The following ZFYVE27 variants were observed in gnomAD, a reference collection of about 807,000 sequenced individuals.
ZFYVE27 encodes protrudin.
A neutral mutation model predicts 52.8 loss-of-function variants in ZFYVE27; 36 were observed. That is an observed-to-expected ratio of 0.68 (90% confidence interval 0.52 to 0.90). The LOEUF (loss-of-function observed/expected upper bound fraction) is 0.90, where lower values mean the gene tolerates loss of function less well. ZFYVE27 is among the 40% of genes least tolerant of loss of function. ZFYVE27 has a pLI of 0.00. For missense variants in ZFYVE27, 450 were observed against 527.2 expected (o/e 0.85, Z 1.43); for synonymous variants, 223 against 215.6 (o/e 1.03, Z -0.30).
chr10:97,740,162 TG>T (rs989507880), intron 2 of ZFYVE27, among the ~76,000 whole-genome samples: 5 of 152,146 alleles, frequency 3.3e-5, no homozygotes, highest in African/African-American at 1.2e-4. Flanking sequence ...GCAGGGTGAG[TG>T]GAGTTACGTT....
At position 97,740,655 on chromosome 10, in the gene ZFYVE27, G is replaced by A. The variant is rs146302778; in HGVS notation, c.197+1981G>A. On this transcript the variant is annotated intron_variant, in intron 2 of 12. Coordinates refer to ENST00000684270, the MANE Select transcript of ZFYVE27 (RefSeq NM_001385875.1). ...GATTGGTTAAAGCAGGATGCAGGAG[G>A]AGCATTGGACTTAAAAGCCCCCAGG... 5.6e-4 allele frequency among the ~76,000 whole-genome samples: 85 copies of A among 152,346 alleles called. No individual in the cohort carries two copies. The East Asian group carries it at 7.9e-3, about 14-fold the overall frequency.
chr10:97,747,924 G>A (rs1192076457), intron 4 of ZFYVE27, among the ~76,000 whole-genome samples: 1 of 152,172 alleles, frequency 6.6e-6, no homozygotes, highest in African/African-American at 2.4e-5. Flanking sequence ...GACAGCTGCT[G>A]TGTACCCGTG....
rs201233270 is a variant in ZFYVE27, at chr10:97,759,331, G to A, written c.*31G>A. The A allele has an allele frequency of 4.3e-5, 70 of 1,613,304 alleles. No individual in the cohort carries two copies. Among genetic ancestry groups the A allele is most frequent in the South Asian group, 2.3e-4 (21 of 91,060 alleles). Reference sequence around the variant, plus strand: ...GAGGCCAGGGTCCAACCAGGCACCCGTCCTTGGGACCAGCAGTAGACCCCC... The same window carrying A: ...GAGGCCAGGGTCCAACCAGGCACCCATCCTTGGGACCAGCAGTAGACCCCC... On this transcript the variant is annotated 3_prime_UTR_variant, in exon 13 of 13. Transcript: ENST00000684270.
intron 2 of ZFYVE27, among the ~76,000 whole-genome samples, chr10:97,740,556 C>T (rs930933342): frequency 6.6e-6 from 1 of 152,154 alleles, no homozygotes; most frequent in South Asian, 2.1e-4. Flanking sequence ...TCTACTAGTC[C>T]GTAGTGCGTC....
At chr10:97,741,903 G>A (rs997412482) in intron 2 of ZFYVE27, among the ~76,000 whole-genome samples, 1 of 152,066 alleles carries the variant, frequency 6.6e-6, no homozygotes, top group Non-Finnish European at 1.5e-5. Flanking sequence ...GGCCAGGGTG[G>A]GCAGATCACC....
At chr10:97,745,721 G>A (rs2045121108) in intron 4 of ZFYVE27, among the ~76,000 whole-genome samples, 1 of 152,206 alleles carries the variant, frequency 6.6e-6, no homozygotes, top group South Asian at 2.1e-4. Context: ...GTAGATATTA[G>A]TTATCATCAC....
chr10:97,744,993 C>T (rs1393662429), intron 4 of ZFYVE27, 78 bp downstream of exon 4: 22 of 1,487,248 alleles, frequency 1.5e-5, no homozygotes, highest in Middle Eastern at 2.2e-4. Context: ...TTTGTGTGCT[C>T]GACATCATAT....
At chr10:97,738,798 G>T in intron 2 of ZFYVE27, 124 bp downstream of exon 2, 1 of 1,148,830 alleles carries the variant, frequency 8.7e-7, no homozygotes, top group East Asian at 2.4e-5. Context: ...GAGCAGTTCT[G>T]GGAGGTCTGT....
chr10:97,759,554 T>C lies in ZFYVE27; in HGVS notation c.*254T>C. On this transcript the variant is annotated 3_prime_UTR_variant, in exon 13 of 13. Coordinates refer to ENST00000684270, the MANE Select transcript of ZFYVE27 (RefSeq NM_001385875.1). ...GGAGGGCCTGGCATGTTTGTCCTGC[T>C]CTGCCTGGGACTGAGCGAGTGGACT... 1.7e-6 allele frequency: 1 copy of C among 572,658 alleles called. No homozygotes were observed. Among genetic ancestry groups the C allele is most frequent in the Non-Finnish European group, 3.2e-6 (1 of 314,308 alleles). The allele number at this position is 572,658 out of a possible 1,614,324, so 35.5% of individuals were successfully genotyped here.
At chr10:97,755,211 C>G (rs571513265) in intron 10 of ZFYVE27, among the ~76,000 whole-genome samples, 1 of 152,256 alleles carries the variant, frequency 6.6e-6, no homozygotes, top group Non-Finnish European at 1.5e-5. Context: ...GCTACTTTCC[C>G]TTTTCTGAGA....
intron 4 of ZFYVE27, among the ~76,000 whole-genome samples, chr10:97,746,267 T>C (rs1480221342): frequency 6.6e-6 from 1 of 152,102 alleles, no homozygotes; most frequent in Non-Finnish European, 1.5e-5. Flanking sequence ...CAGGCTGGTC[T>C]CGAACTTCAG....
chr10:97,759,156 T>C, intron 12 of ZFYVE27, 80 bp from the exon 13 acceptor site: 2 of 1,514,590 alleles, frequency 1.3e-6, no homozygotes, highest in East Asian at 2.3e-5. Flanking sequence ...GTGGGGCATT[T>C]GGGAGGGTGC....
intron 4 of ZFYVE27, among the ~76,000 whole-genome samples, chr10:97,745,142 C>T (rs912404574): frequency 3.4e-5 from 5 of 145,642 alleles, no homozygotes; most frequent in Admixed American, 1.3e-4. Context: ...ATGAGAATCT[C>T]GATCTAGCTG....
chr10:97,737,684 C>T (rs1191269527), intron 1 of ZFYVE27, among the ~76,000 whole-genome samples: 1 of 152,206 alleles, frequency 6.6e-6, no homozygotes, highest in African/African-American at 2.4e-5. Flanking sequence ...CGCCGAGGTT[C>T]CGCCCCCTCG....
At chr10:97,756,718 C>G (rs1288503720) in intron 10 of ZFYVE27, among the ~76,000 whole-genome samples, 2 of 152,218 alleles carry the variant, frequency 1.3e-5, no homozygotes, top group Admixed American at 1.3e-4. Flanking sequence ...ATTGAGCATT[C>G]TACCCTTCGT....
At chr10:97,739,698 A>G (rs2043077409) in intron 2 of ZFYVE27, among the ~76,000 whole-genome samples, 1 of 152,008 alleles carries the variant, frequency 6.6e-6, no homozygotes, top group South Asian at 2.1e-4. Context: ...CATTGTTTGT[A>G]CTTATTATGT....
chr10:97,747,858 C>A (rs1324408815), intron 4 of ZFYVE27, among the ~76,000 whole-genome samples: 1 of 152,176 alleles, frequency 6.6e-6, no homozygotes. Context: ...ACAACCAGAA[C>A]TCCCCAAGTG....
Position 97,750,448 on chromosome 10 carries a change from C to T in ZFYVE27, c.782C>T (p.Thr261Met), listed in dbSNP as rs772972223. ...GGGAAGGATGGTCTGATGGACAGCA[C>T]GCCTGCCCTCACACCCACGGAGGTA... ...VGGKDGLMDS[T>M]PALTPTEDLT... Residue 261 changes from threonine to methionine, a missense_variant, in exon 7 of 13, where the codon ACG becomes ATG. Coordinates refer to ENST00000684270, the MANE Select transcript of ZFYVE27 (RefSeq NM_001385875.1). 38 of 1,614,028 alleles carry T rather than the reference C, an allele frequency of 2.4e-5. No homozygotes were observed. The highest frequency in any genetic ancestry group is 3.1e-5 in the Non-Finnish European group (36 of 1,180,044).
chr10:97,751,470 G>T lies in ZFYVE27; in HGVS notation c.876+8G>T. 1 of 1,613,556 alleles carries T rather than the reference G, an allele frequency of 6.2e-7. No individual in the cohort carries two copies. The highest frequency in any genetic ancestry group is 8.5e-7 in the Non-Finnish European group (1 of 1,179,624). On this transcript the variant is annotated splice_region_variant and intron_variant, in intron 8 of 12. Transcript: ENST00000684270. Reference sequence around the variant, plus strand: ...TTTAAAGATGCGATTGAGGTGGGTGGCCCTTCCCCAGCATCCTCTACTCAG... The same window carrying T: ...TTTAAAGATGCGATTGAGGTGGGTGTCCCTTCCCCAGCATCCTCTACTCAG...
Sources: gnomAD v4.1 joint callset for allele counts (sites outside exome capture counted in the v4.1 genomes callset) on GRCh38, gnomAD v4.1.1 for gene constraint, MANE v1.5 for transcripts, NCBI Gene and HGNC (gene_info 2026-07-23, HGNC 2026-07-21) for gene names.